Variants in CTTN observed in about 807,000 individuals in gnomAD.
CTTN encodes the protein cortactin.
A neutral mutation model predicts 84.0 loss-of-function variants in CTTN; 28 were observed. The ratio of observed to expected loss-of-function variants is 0.33; its 90% CI spans 0.25 to 0.46. The LOEUF (loss-of-function observed/expected upper bound fraction) is 0.46. CTTN is among the 20% of genes least tolerant of loss of function. The pLI is 1.00. For synonymous variants in CTTN, 301 were observed against 288.8 expected, an observed-to-expected ratio of 1.04 and a Z score of -0.43; for missense variants, 641 against 723.8, an observed-to-expected ratio of 0.89 and a Z score of 1.31.
intron 7 of CTTN, 115 bp from the exon 8 acceptor site, chr11:70,416,898 G>A (rs766029603): frequency 3.9e-6 from 3 of 759,582 alleles, no homozygotes; most frequent in Non-Finnish European, 7.2e-6. Flanking sequence ...ATTTTAAAAT[G>A]TGCGCTTGAT....
chr11:70,407,996 T>C, intron 4 of CTTN: 1 of 177,994 alleles, frequency 5.6e-6, no homozygotes, highest in Admixed American at 5.5e-5. Context: ...TTTTTTATTA[T>C]CTGGAAATGA....
At chr11:70,433,412 C>T (rs1037810968) in intron 16 of CTTN, 134 bp downstream of exon 16, 1 of 988,484 alleles carries the variant, frequency 1.0e-6, no homozygotes, top group African/African-American at 1.6e-5. Flanking sequence ...ATAGGGTCTT[C>T]TTGTCCCTGG....
At chr11:70,417,661 A>C (rs2058180228) in intron 8 of CTTN, among the ~76,000 whole-genome samples, 1 of 151,626 alleles carries the variant, frequency 6.6e-6, no homozygotes, top group Non-Finnish European at 1.5e-5. Context: ...ACGCCCAGCT[A>C]ATTTTTGTAT....
At position 70,436,148 on chromosome 11, in the gene CTTN, C is replaced by T; in HGVS notation, c.*986C>T. ...GGGTGTAGTATTTTTGCCAAAATAT[C>T]ATGTTCAATTTCAGTAGTTTGATCA... On this transcript the variant is annotated 3_prime_UTR_variant, in exon 18 of 18. Transcript: ENST00000301843. 1.4e-6 allele frequency: 2 copies of T among 1,449,554 alleles called. No homozygotes were observed. Among genetic ancestry groups the T allele is most frequent in the Non-Finnish European group, 1.8e-6 (2 of 1,108,090 alleles). The allele number at this position is 1,449,554 out of a possible 1,614,324, so 89.8% of individuals were successfully genotyped here.
chr11:70,420,169 A>G (rs1167489867), intron 9 of CTTN: 3 of 598,510 alleles, frequency 5.0e-6, no homozygotes, highest in African/African-American at 1.9e-5. Context: ...GGGAGCTTCC[A>G]TGGGGTCCTG....
intron 5 of CTTN, among the ~76,000 whole-genome samples, chr11:70,413,597 C>G (rs1307247692): frequency 6.6e-6 from 1 of 152,124 alleles, no homozygotes; most frequent in Non-Finnish European, 1.5e-5. Context: ...CTGGAAAGCC[C>G]AGGGGAACCT....
intron 12 of CTTN, 26 bp from the exon 13 acceptor site, chr11:70,425,306 C>G: frequency 6.3e-7 from 1 of 1,596,470 alleles, no homozygotes; most frequent in South Asian, 1.1e-5. Flanking sequence ...AAGTGCTCTC[C>G]TGACGCCCAT....
intron 8 of CTTN, among the ~76,000 whole-genome samples, chr11:70,418,494 C>T (rs1240322075): frequency 1.3e-5 from 2 of 152,254 alleles, no homozygotes; most frequent in African/African-American, 4.8e-5. Flanking sequence ...AGGCCTTGAT[C>T]CTCTGCCTTG....
chr11:70,401,320 CA>C (rs1305361295), intron 1 of CTTN, among the ~76,000 whole-genome samples: 1 of 149,932 alleles, frequency 6.7e-6, no homozygotes, highest in East Asian at 1.9e-4. Context: ...AAAAAAAATA[CA>C]AAAAATTAGC....
At chr11:70,425,812 C>T (rs773878649) in intron 13 of CTTN, among the ~76,000 whole-genome samples, 1 of 152,246 alleles carries the variant, frequency 6.6e-6, no homozygotes, top group African/African-American at 2.4e-5. Context: ...GACATTCTCT[C>T]TGCTGCTCGT....
rs2057935487 is a variant in CTTN at position 70,398,588 on chromosome 11, C to T, written c.-124C>T. 1 of 152,168 alleles carries T rather than the reference C, an allele frequency of 6.6e-6. No homozygotes were observed. The highest frequency in any genetic ancestry group is 2.1e-4 in the South Asian group (1 of 4,828). The allele number at this position is 152,168 out of a possible 1,614,324, so 9.4% of individuals were successfully genotyped here. A position where few individuals can be genotyped will look rare whatever the true frequency, so the allele number is the denominator to read the frequency against. ...CTGGCGCGGCGGAATCCAGGGCCGA[C>T]CCGGGCCGGACCGACCCCAGGCGGC... is the stretch of plus-strand genomic sequence containing the variant. On this transcript the variant is annotated 5_prime_UTR_variant, in exon 1 of 18. Coordinates refer to ENST00000301843, the MANE Select transcript of CTTN (RefSeq NM_005231.4).
At chr11:70,410,090 C>A (rs2058082463) in intron 5 of CTTN, 130 bp downstream of exon 5, 2 of 877,004 alleles carry the variant, frequency 2.3e-6, no homozygotes, top group African/African-American at 3.4e-5. Flanking sequence ...TGCGATTTGC[C>A]CGGAGTAGAC....
In CTTN at chr11:70,416,500, C is replaced by T. The variant is rs544668353; in HGVS notation, c.458-513C>T. ...AGGCTGGAGTGCAGTGGCACGATCT[C>T]GGCTCACTGCAACCTGCGCCTCCTG... On this transcript the variant is annotated intron_variant, in intron 7 of 17. Transcript: ENST00000301843. Among the ~76,000 whole-genome samples, 81 of 152,258 alleles carry T rather than the reference C, an allele frequency of 5.3e-4. 1 individual carries two copies. The highest frequency in any genetic ancestry group is 1.6e-3 in the African/African-American group (68 of 41,558).
In CTTN at chr11:70,417,035, C is replaced by T. The variant is rs2058170683; in HGVS notation, c.480C>T (p.Gly160=). 1 of 1,614,192 alleles carries T rather than the reference C, an allele frequency of 6.2e-7. No individual in the cohort carries two copies. Among genetic ancestry groups the T allele is most frequent in the Non-Finnish European group, 8.5e-7 (1 of 1,180,026 alleles). The stretch of plus-strand genomic sequence containing the variant: ...CAGACTACTCCAGTGGTTTTGGCGG[C>T]AAGTATGGCGTGCAGGCCGACCGAG... The part of the protein sequence containing the change: ...SQKDYSSGFG[G]KYGVQADRVD... Residue 160 remains glycine, a synonymous_variant, in exon 8 of 18, where the codon GGC becomes GGT. Coordinates refer to ENST00000301843, the MANE Select transcript of CTTN (RefSeq NM_005231.4).
chr11:70,435,232 G>C lies in CTTN; in HGVS notation c.*70G>C. On this transcript the variant is annotated 3_prime_UTR_variant, in exon 18 of 18. Coordinates refer to ENST00000301843, the MANE Select transcript of CTTN (RefSeq NM_005231.4). Reference sequence around the variant, plus strand: ...ACAGATCAGGCCTTCTTTGGTTCTTGGGTGGTTTTGGGTTTTTTCTGTTTT... The same window carrying C: ...ACAGATCAGGCCTTCTTTGGTTCTTCGGTGGTTTTGGGTTTTTTCTGTTTT... 1.4e-6 allele frequency: 2 copies of C among 1,432,952 alleles called. No individual in the cohort carries two copies. Among genetic ancestry groups the C allele is most frequent in the Non-Finnish European group, 1.8e-6 (2 of 1,105,036 alleles). The allele number at this position is 1,432,952 out of a possible 1,614,324, so 88.8% of individuals were successfully genotyped here. A position where few individuals can be genotyped will look rare whatever the true frequency, so the allele number is the denominator to read the frequency against.
Position 70,436,544 on chromosome 11 carries a change from T to TA in CTTN, c.*1385dup. 1 of 768,744 alleles carries TA rather than the reference T, an allele frequency of 1.3e-6. No homozygotes were observed. Among genetic ancestry groups the TA allele is most frequent in the Non-Finnish European group, 2.1e-6 (1 of 477,812 alleles). The allele number at this position is 768,744 out of a possible 1,614,324, so 47.6% of individuals were successfully genotyped here. Reference sequence around the variant, plus strand: ...CCTCATAGGTATGATTTTTTTAAATTAAAGAATTCAGAATAAACATTTTTT... The same window carrying TA: ...CCTCATAGGTATGATTTTTTTAAATTAAAAGAATTCAGAATAAACATTTTTT... On this transcript the variant is annotated 3_prime_UTR_variant, in exon 18 of 18. Coordinates refer to ENST00000301843, the MANE Select transcript of CTTN (RefSeq NM_005231.4).
In CTTN at chr11:70,435,266, T is replaced by TG; in HGVS notation, c.*104_*105insG. On this transcript the variant is annotated 3_prime_UTR_variant, in exon 18 of 18. Transcript: ENST00000301843. Reference sequence around the variant, plus strand: ...TGGGTTTTTTCTGTTTTTTTTTTTTTTTTTTTTTTTTTGAAGGTGGGGAGG... The same window carrying TG: ...TGGGTTTTTTCTGTTTTTTTTTTTTTGTTTTTTTTTTTTGAAGGTGGGGAGG... The TG allele has an allele frequency of 1.4e-6, 2 of 1,390,214 alleles. No homozygotes were observed. Among genetic ancestry groups the TG allele is most frequent in the Non-Finnish European group, 1.9e-6 (2 of 1,077,488 alleles). The allele number at this position is 1,390,214 out of a possible 1,614,324, so 86.1% of individuals were successfully genotyped here.
Position 70,434,330 on chromosome 11 carries a change from A to G in CTTN, c.1516+612A>G, listed in dbSNP as rs374600772. 4.3e-4 allele frequency among the ~76,000 whole-genome samples: 66 copies of G among 152,320 alleles called. 1 individual carries two copies. The East Asian group carries it at 0.011, about 25-fold the overall frequency. Reference sequence around the variant, plus strand: ...ATCCACTTGTCCCTCTGTCTCAGCCACCACCTGGTCCACAAAGTCACCACC... The same window carrying G: ...ATCCACTTGTCCCTCTGTCTCAGCCGCCACCTGGTCCACAAAGTCACCACC... On this transcript the variant is annotated intron_variant, in intron 17 of 17. Transcript: ENST00000301843.
At chr11:70,415,778 C>A in intron 7 of CTTN, 61 bp downstream of exon 7, 2 of 1,527,010 alleles carry the variant, frequency 1.3e-6, no homozygotes, top group Non-Finnish European at 1.8e-6. Context: ...AGAGTCACAG[C>A]CACCTGAAGC....
Sources: allele counts gnomAD v4.1 joint callset (sites outside exome capture counted in the v4.1 genomes callset), GRCh38; gene constraint gnomAD v4.1.1; transcripts MANE v1.5; gene names NCBI Gene and HGNC (gene_info 2026-07-23, HGNC 2026-07-21).